Variants in YWHAH observed in about 807,000 individuals in gnomAD.
The protein encoded by YWHAH is 14-3-3 protein eta.
In YWHAH, 6 loss-of-function variants were observed where a neutral mutation model predicts 22.9. That is an observed-to-expected ratio of 0.26 (90% CI 0.14 to 0.52). The LOEUF is 0.52. Among genes scored for constraint, YWHAH ranks in the 20% least tolerant of loss-of-function variants. The pLI, the probability that YWHAH is intolerant of heterozygous loss-of-function variation, is 0.97. For missense variants in YWHAH, 173 were observed against 308.6 expected (o/e 0.56, Z 3.29); for synonymous variants, 135 against 124.5 (o/e 1.08, Z -0.56).
intron 1 of YWHAH, among the ~76,000 whole-genome samples, chr22:31,948,222 G>A (rs1455107877): frequency 6.6e-6 from 1 of 152,176 alleles, no homozygotes; most frequent in Non-Finnish European, 1.5e-5. Context: ...AGTCGGAGAG[G>A]AGGGGCATTT....
intron 1 of YWHAH, among the ~76,000 whole-genome samples, chr22:31,947,872 G>C (rs1018546853): frequency 3.3e-5 from 5 of 152,182 alleles, no homozygotes; most frequent in Admixed American, 2.0e-4. Flanking sequence ...TTCATAGACA[G>C]ACATAATTTC....
At chr22:31,945,659 C>A in intron 1 of YWHAH, 1 of 1,278,076 alleles carries the variant, frequency 7.8e-7, no homozygotes, top group Non-Finnish European at 1.0e-6. Flanking sequence ...ACTCTCTCTC[C>A]ACGTTATTTT....
intron 1 of YWHAH, chr22:31,945,140 C>A (rs2093831928): frequency 9.2e-7 from 1 of 1,084,872 alleles, no homozygotes; most frequent in Non-Finnish European, 1.1e-6. Context: ...CTAGGGGACG[C>A]GAAGGAGCCG....
At chr22:31,946,325 A>G (rs781104246) in intron 1 of YWHAH, among the ~76,000 whole-genome samples, 33 of 152,148 alleles carry the variant, frequency 2.2e-4, no homozygotes, top group Non-Finnish European at 4.3e-4. Flanking sequence ...AGTTTTGCAT[A>G]TTTTACAAAA....
chr22:31,956,100 G>T lies in YWHAH; in HGVS notation c.88-39G>T. Reference sequence around the variant, plus strand: ...GGAAGGCTTCTTACCAAGATTTTCAGATTTTGCTTTCAATGTTTATCTTTT... The same window carrying T: ...GGAAGGCTTCTTACCAAGATTTTCATATTTTGCTTTCAATGTTTATCTTTT... On this transcript the variant is annotated intron_variant, in intron 1 of 1. Transcript: ENST00000248975. The surrounding 1 kb of genome is among the most constrained non-coding windows in gnomAD (Gnocchi z 5.1). 6.5e-7 allele frequency: 1 copy of T among 1,549,976 alleles called. No homozygotes were observed. Among genetic ancestry groups the T allele is most frequent in the Non-Finnish European group, 8.7e-7 (1 of 1,152,510 alleles).
Position 31,944,770 on chromosome 22 carries a change from C to T in YWHAH, c.37C>T (p.Leu13=), listed in dbSNP as rs1439656958. The stretch of plus-strand genomic sequence containing the variant: ...GGAGCAGCTGCTGCAGCGGGCGCGG[C>T]TGGCCGAGCAGGCGGAGCGCTACGA... ...DREQLLQRAR[L]AEQAERYDDM... is the part of the protein sequence containing the mutation. The change falls in exon 1 of 2, where the codon CTG becomes TTG. Residue 13 remains leucine (L), a synonymous_variant. Transcript: ENST00000248975. 7.0e-7 allele frequency: 1 copy of T among 1,423,572 alleles called. No individual in the cohort carries two copies. The highest frequency in any genetic ancestry group is 9.2e-7 in the Non-Finnish European group (1 of 1,083,124). 88.2% of individuals were successfully genotyped at this position (1,423,572 alleles called of 1,614,324 possible).
At chr22:31,948,085 G>A (rs534574430) in intron 1 of YWHAH, among the ~76,000 whole-genome samples, 1 of 152,072 alleles carries the variant, frequency 6.6e-6, no homozygotes, top group South Asian at 2.1e-4. Context: ...TTTTTAATCA[G>A]TGTTGACCAG....
At position 31,945,649 on chromosome 22, in the gene YWHAH, ACTCT is replaced by A. The variant is rs577097946; in HGVS notation, c.87+835_87+838del. 640 of 1,284,950 alleles carry A rather than the reference ACTCT, an allele frequency of 5.0e-4. 10 individuals are homozygous for A. The South Asian group carries it at 7.6e-3, about 15-fold the overall frequency. The allele number at this position is 1,284,950 out of a possible 1,614,324, so 79.6% of individuals were successfully genotyped here. The stretch of plus-strand genomic sequence containing the variant: ...ATTTCTGAGTTCCGGTTACCATCTC[ACTCT>A]CTCTCCACGTTATTTTACGTTTTCT... On this transcript the variant is annotated intron_variant, in intron 1 of 1. Transcript: ENST00000248975.
chr22:31,945,604 G>A lies in YWHAH; in HGVS notation c.87+784G>A, dbSNP rs1054665909. The A allele has an allele frequency of 9.2e-6, 12 of 1,302,200 alleles. No homozygotes were observed. In the African/African-American group the frequency reaches 1.7e-4, roughly 18 times the overall value. 80.7% of individuals were successfully genotyped at this position (1,302,200 alleles called of 1,614,324 possible). On this transcript the variant is annotated intron_variant, in intron 1 of 1. Transcript: ENST00000248975. ...CCCAGCCACACCCTAGCAAAATACC[G>A]TGGGTCACACACCACCTGCATTTCT...
chr22:31,944,624 G>A lies in YWHAH; in HGVS notation c.-110G>A. The stretch of plus-strand genomic sequence containing the variant: ...CAGCCTCCGGCCGGCCGGCGAGCCA[G>A]TGCGCGTGCGCGGCGGCGGCCTCCG... On this transcript the variant is annotated 5_prime_UTR_variant, in exon 1 of 2. In the 5' UTR this introduces an upstream ATG that the reference lacks. Transcript: ENST00000248975. The A allele has an allele frequency of 2.4e-6, 2 of 847,362 alleles. No individual in the cohort carries two copies. The highest frequency in any genetic ancestry group is 3.0e-6 in the Non-Finnish European group (2 of 663,190). 52.5% of individuals were successfully genotyped at this position (847,362 alleles called of 1,614,324 possible).
At chr22:31,950,615 C>G (rs575454078) in intron 1 of YWHAH, among the ~76,000 whole-genome samples, 21 of 152,292 alleles carry the variant, frequency 1.4e-4, no homozygotes, top group African/African-American at 5.1e-4. Flanking sequence ...ACAAGGGTAG[C>G]TGTTTTATTT....
chr22:31,947,470 C>T (rs1049574687), intron 1 of YWHAH: 1 of 471,562 alleles, frequency 2.1e-6, no homozygotes, highest in African/African-American at 2.0e-5. Context: ...CCAGCGTCAC[C>T]TGGAGGACAG....
intron 1 of YWHAH, 151 bp from the exon 2 acceptor site, chr22:31,955,988 G>T: frequency 1.2e-6 from 1 of 831,760 alleles, no homozygotes; most frequent in Non-Finnish European, 1.8e-6. Context: ...GTCTATATTG[G>T]TTTTATCCAT....
Position 31,944,739 on chromosome 22 carries a change from G to T in YWHAH, c.6G>T (p.Gly2=), listed in dbSNP as rs914973169. The T allele has an allele frequency of 7.1e-7, 1 of 1,412,276 alleles. No homozygotes were observed. Among genetic ancestry groups the T allele is most frequent in the Non-Finnish European group, 9.3e-7 (1 of 1,076,316 alleles). The allele number at this position is 1,412,276 out of a possible 1,614,324, so 87.5% of individuals were successfully genotyped here. A position where few individuals can be genotyped will look rare whatever the true frequency, so the allele number is the denominator to read the frequency against. Residue 2 remains glycine, a synonymous_variant, in exon 1 of 2, where the codon GGG becomes GGT. Transcript: ENST00000248975. M[G]DREQLLQRAR... ...GAGGCCGAGCCGCGAGCGACATGGG[G>T]GACCGGGAGCAGCTGCTGCAGCGGG... is the stretch of plus-strand genomic sequence containing the variant.
chr22:31,945,127 G>A, intron 1 of YWHAH: 1 of 1,091,502 alleles, frequency 9.2e-7, no homozygotes, highest in Non-Finnish European at 1.1e-6. Context: ...GGCAGAGGGT[G>A]CCCTAGGGGA....
At chr22:31,945,230 C>A (rs2093832163) in intron 1 of YWHAH, 2 of 1,131,662 alleles carry the variant, frequency 1.8e-6, no homozygotes, top group South Asian at 4.0e-5. Flanking sequence ...AATAAAGAAT[C>A]ACCTAGTAAG....
At chr22:31,950,360 C>A (rs745463890) in intron 1 of YWHAH, 1 of 779,478 alleles carries the variant, frequency 1.3e-6, no homozygotes, top group Non-Finnish European at 2.4e-6. Flanking sequence ...TGTCTTCTGT[C>A]CCAGCATTTT....
chr22:31,946,544 G>C (rs1033577450), intron 1 of YWHAH, among the ~76,000 whole-genome samples: 1 of 150,594 alleles, frequency 6.6e-6, no homozygotes, highest in African/African-American at 2.5e-5. Flanking sequence ...TGCAGTGTTC[G>C]GAGCCCTTTG....
intron 1 of YWHAH, among the ~76,000 whole-genome samples, chr22:31,952,148 T>C (rs1258664501): frequency 3.3e-5 from 5 of 152,244 alleles, no homozygotes; most frequent in African/African-American, 7.2e-5. Context: ...TTGTTGTTGC[T>C]TCATGTTCCT....
Sources: gnomAD v4.1 joint callset for allele counts (sites outside exome capture counted in the v4.1 genomes callset) on GRCh38, gnomAD v4.1.1 for gene constraint, Gnocchi (gnomAD v3.1) non-coding constraint, MANE v1.5 for transcripts, NCBI Gene and HGNC (gene_info 2026-07-23, HGNC 2026-07-21) for gene names.